The following CPQ variants were observed in gnomAD, a reference collection of about 807,000 sequenced individuals.
The protein encoded by CPQ is carboxypeptidase Q.
A neutral mutation model predicts 45.7 loss-of-function variants in CPQ; 37 were observed. That is an observed-to-expected ratio of 0.81 (90% CI 0.62 to 1.07). CPQ has a LOEUF of 1.07. CPQ is among the 50% of genes least tolerant of loss of function. The pLI, the probability that CPQ is intolerant of heterozygous loss-of-function variation, is 0.00. For synonymous variants in CPQ, 186 were observed against 205.8 expected, an observed-to-expected ratio of 0.90 and a Z score of 0.82; for missense variants, 537 against 572.9, an observed-to-expected ratio of 0.94 and a Z score of 0.64.
chr8:96,864,399 C>T (rs1811969508), intron 3 of CPQ, among the ~76,000 whole-genome samples: 1 of 152,006 alleles, frequency 6.6e-6, no homozygotes, highest in Non-Finnish European at 1.5e-5. Context: ...TCCTTCACCC[C>T]AACAGGAGAG....
intron 7 of CPQ, among the ~76,000 whole-genome samples, chr8:97,087,662 G>A (rs967720434): frequency 1.3e-5 from 2 of 152,074 alleles, no homozygotes; most frequent in Non-Finnish European, 2.9e-5. Flanking sequence ...TCATTACCTC[G>A]TTCTAATCCT....
At chr8:97,120,720 A>C (rs1811687142) in intron 7 of CPQ, among the ~76,000 whole-genome samples, 1 of 152,232 alleles carries the variant, frequency 6.6e-6, no homozygotes, top group Non-Finnish European at 1.5e-5. Context: ...CTTGGTACTT[A>C]CAATTGACAG....
chr8:96,952,200 C>G (rs1232960887), intron 4 of CPQ, among the ~76,000 whole-genome samples: 2 of 152,088 alleles, frequency 1.3e-5, no homozygotes, highest in East Asian at 3.9e-4. Flanking sequence ...TCAAAAGTAG[C>G]TTCTGCCCCA....
At chr8:96,955,684 C>T (rs1813345218) in intron 4 of CPQ, among the ~76,000 whole-genome samples, 1 of 152,034 alleles carries the variant, frequency 6.6e-6, no homozygotes, top group African/African-American at 2.4e-5. Flanking sequence ...AGAAATAGAC[C>T]AATGGAACAG....
chr8:96,777,628 A>G (rs539014317), intron 1 of CPQ, among the ~76,000 whole-genome samples: 1 of 150,670 alleles, frequency 6.6e-6, no homozygotes, highest in Admixed American at 6.6e-5. Context: ...TTTCATGCCA[A>G]CAAACTGATG....
intron 1 of CPQ, among the ~76,000 whole-genome samples, chr8:96,651,612 A>G (rs1404457368): frequency 2.0e-5 from 3 of 152,196 alleles, no homozygotes; most frequent in Non-Finnish European, 4.4e-5. Flanking sequence ...ACAAAGTCAA[A>G]TGGTAATACA....
intron 5 of CPQ, among the ~76,000 whole-genome samples, chr8:96,968,586 A>C (rs192585547): frequency 9.2e-5 from 14 of 152,332 alleles, no homozygotes; most frequent in African/African-American, 3.1e-4. Flanking sequence ...CTCTGTGGCA[A>C]TCTCTTTTTC....
In CPQ at chr8:97,066,135, C is replaced by G; in HGVS notation, c.1180C>G (p.Pro394Ala). ...IMEEVMSLLQ[P>A]LNITQVLSHG... is the part of the protein sequence containing the mutation. ...GGAGGAGGTTATGAGCCTGCTGCAGCCCCTCAATATCACTCAGGTCCTGAG... is the reference window on the plus strand; with the variant it reads ...GGAGGAGGTTATGAGCCTGCTGCAGGCCCTCAATATCACTCAGGTCCTGAG... The change falls in exon 7 of 8, where the codon CCC becomes GCC. Residue 394 changes from proline to alanine, a missense_variant. Pro to Ala is a conservative substitution (Grantham distance 27). Transcript: ENST00000220763. 4.3e-6 allele frequency: 7 copies of G among 1,611,914 alleles called. No individual in the cohort carries two copies. The highest frequency in any genetic ancestry group is 5.9e-6 in the Non-Finnish European group (7 of 1,179,334).
chr8:96,805,631 G>T (rs1301465849), intron 2 of CPQ, among the ~76,000 whole-genome samples: 2 of 152,042 alleles, frequency 1.3e-5, no homozygotes, highest in African/African-American at 4.8e-5. Flanking sequence ...CACAGTCAGT[G>T]CCATCAGTTT....
At chr8:97,042,885 T>A (rs1249684469) in intron 6 of CPQ, among the ~76,000 whole-genome samples, 3 of 152,154 alleles carry the variant, frequency 2.0e-5, no homozygotes, top group African/African-American at 7.2e-5. Flanking sequence ...TTACATTTGC[T>A]GAGGAGAGCT....
At chr8:96,772,163 A>C (rs1391947422) in intron 1 of CPQ, among the ~76,000 whole-genome samples, 1 of 152,162 alleles carries the variant, frequency 6.6e-6, no homozygotes, top group African/African-American at 2.4e-5. Flanking sequence ...GGAGGCAGGG[A>C]GATCAGTTAG....
intron 1 of CPQ, among the ~76,000 whole-genome samples, chr8:96,743,181 A>G (rs1481571140): frequency 2.0e-5 from 3 of 151,918 alleles, no homozygotes; most frequent in African/African-American, 7.3e-5. Context: ...GTTTCTTTTT[A>G]TTCTTTTTTC....
At chr8:97,019,570 T>G (rs1048581419) in intron 5 of CPQ, among the ~76,000 whole-genome samples, 2 of 151,694 alleles carry the variant, frequency 1.3e-5, no homozygotes, top group African/African-American at 4.8e-5. Context: ...TGAGCAGGAG[T>G]AGCTATTCTT....
chr8:96,962,980 A>G (rs1001790580), intron 4 of CPQ, among the ~76,000 whole-genome samples: 13 of 152,196 alleles, frequency 8.5e-5, no homozygotes, highest in African/African-American at 3.1e-4. Flanking sequence ...GCACTATACC[A>G]AAGACCTTAT....
chr8:96,846,617 G>A (rs546707601), intron 3 of CPQ, among the ~76,000 whole-genome samples: 2 of 152,026 alleles, frequency 1.3e-5, no homozygotes, highest in South Asian at 2.1e-4. Context: ...TGAAAGTAAG[G>A]TTGTTATAAC....
At chr8:96,935,439 A>G (rs1304617592) in intron 4 of CPQ, among the ~76,000 whole-genome samples, 1 of 152,182 alleles carries the variant, frequency 6.6e-6, no homozygotes, top group Non-Finnish European at 1.5e-5. Flanking sequence ...ACCAAGACTC[A>G]AGGTCAGTCT....
chr8:97,052,059 C>T (rs556827951), intron 6 of CPQ, among the ~76,000 whole-genome samples: 9 of 152,270 alleles, frequency 5.9e-5, no homozygotes, highest in East Asian at 3.9e-4. Flanking sequence ...TTCAGTATCC[C>T]GTCAGTGGTC....
intron 7 of CPQ, among the ~76,000 whole-genome samples, chr8:97,119,557 G>T (rs1303670949): frequency 2.0e-5 from 3 of 152,086 alleles, no homozygotes; most frequent in Non-Finnish European, 4.4e-5. Flanking sequence ...GAGGAAAGAT[G>T]ATTTAAATTC....
At chr8:96,678,094 G>T (rs1809099081) in intron 1 of CPQ, among the ~76,000 whole-genome samples, 1 of 152,120 alleles carries the variant, frequency 6.6e-6, no homozygotes, top group Non-Finnish European at 1.5e-5. Context: ...ATAATTTGAA[G>T]TTGGGTAATG....
Sources: gnomAD v4.1 joint callset for allele counts (sites outside exome capture counted in the v4.1 genomes callset) on GRCh38, gnomAD v4.1.1 for gene constraint, MANE v1.5 for transcripts, NCBI Gene and HGNC (gene_info 2026-07-23, HGNC 2026-07-21) for gene names.